AFG3L2: variants seen among roughly 807,000 people sequenced by gnomAD.
AFG3L2 encodes AFG3 like matrix AAA peptidase subunit 2, also known as mitochondrial inner membrane m-AAA protease component AFG3L2.
In AFG3L2, 54 loss-of-function variants were observed where a neutral mutation model predicts 94.5. That is an observed-to-expected ratio of 0.57 (90% confidence interval 0.46 to 0.72). The LOEUF (loss-of-function observed/expected upper bound fraction) is 0.72, where lower values mean the gene tolerates loss of function less well. Among genes scored for constraint, AFG3L2 ranks in the 30% least tolerant of loss-of-function variants. AFG3L2 has a pLI of 0.00. For synonymous variants in AFG3L2, 377 were observed against 365.5 expected (o/e 1.03, Z -0.36); for missense variants, 754 against 994.9 (o/e 0.76, Z 3.26).
Position 12,337,455 on chromosome 18 carries a change from T to C in AFG3L2, c.2061A>G (p.Lys687=). Residue 687 remains lysine (K), a synonymous_variant, in exon 16 of 17, where the codon AAA becomes AAG. Coordinates refer to ENST00000269143, the MANE Select transcript of AFG3L2 (RefSeq NM_006796.3). Reference sequence around the variant, plus strand: ...ATCTTGCAGTGGCTTCACTGTAAGGTTTCTCCAATACCATGTCCCCCTGAC... The same window carrying C: ...ATCTTGCAGTGGCTTCACTGTAAGGCTTCTCCAATACCATGTCCCCCTGAC... ...LPRQGDMVLE[K]PYSEATARLI... The C allele has an allele frequency of 1.9e-6, 3 of 1,614,252 alleles. No homozygotes were observed. Among genetic ancestry groups the C allele is most frequent in the Non-Finnish European group, 2.5e-6 (3 of 1,180,048 alleles).
intron 2 of AFG3L2, 148 bp from the exon 3 acceptor site, chr18:12,371,074 A>G: frequency 1.9e-6 from 1 of 538,450 alleles, no homozygotes; most frequent in Non-Finnish European, 3.4e-6. Context: ...GCACTTTGGG[A>G]GGCTGAGGTG....
At position 12,360,042 on chromosome 18, in the gene AFG3L2, A is replaced by G; in HGVS notation, c.637T>C (p.Trp213Arg). Residue 213 changes from tryptophan (W) to arginine (R), a missense_variant, in exon 7 of 17, where the codon TGG becomes CGG. Physicochemically the swap from Trp to Arg is moderately radical, Grantham distance 101 (BLOSUM62 -3). This residue lies in a region of AFG3L2 where 130 missense variants were observed against 175.1 expected (regional missense o/e 0.74). Coordinates refer to ENST00000269143, the MANE Select transcript of AFG3L2 (RefSeq NM_006796.3). ...GTGTCCACACTGCCAATATTAAACC[A>G]AACGTATTGCTATAAAAACAAAAAA... ...GKTPVDGQYV[W>R]FNIGSVDTFE... is the part of the protein sequence containing the mutation. The G allele has an allele frequency of 1.2e-6, 2 of 1,614,132 alleles. No individual in the cohort carries two copies. Among genetic ancestry groups the G allele is most frequent in the Non-Finnish European group, 1.7e-6 (2 of 1,179,956 alleles).
intron 16 of AFG3L2, 150 bp from the exon 17 acceptor site, chr18:12,329,933 G>A: frequency 4.3e-6 from 3 of 700,396 alleles, no homozygotes; most frequent in Non-Finnish European, 4.8e-6. Flanking sequence ...TAGTTTTAGA[G>A]TAAGATGTGC....
intron 7 of AFG3L2, among the ~76,000 whole-genome samples, chr18:12,359,161 C>T (rs1170133058): frequency 1.3e-5 from 2 of 152,196 alleles, no homozygotes; most frequent in Non-Finnish European, 2.9e-5. Context: ...AGCATCTGCC[C>T]AGACTTTAAG....
Position 12,367,331 on chromosome 18 carries a change from C to T in AFG3L2, c.344G>A (p.Gly115Asp), listed in dbSNP as rs865891494. 1.6e-5 allele frequency: 26 copies of T among 1,614,190 alleles called. No individual in the cohort carries two copies. The Middle Eastern group carries it at 3.3e-3, about 205-fold the overall frequency. The change falls in exon 4 of 17, where the codon GGT becomes GAT. Residue 115 changes from glycine to aspartate, a missense_variant. Physicochemically the swap from Gly to Asp is moderately conservative, Grantham distance 94 (BLOSUM62 -1). Transcript: ENST00000269143. ...TRSSGGGGGG[G>D]GKRGGKKDDS... ...ATCTTTCTTGCCACCTCGTTTTCCA[C>T]CGCCACCACCTCCTCCTCCAGAAGA...
At chr18:12,343,476 G>A in intron 14 of AFG3L2, 1 of 154,424 alleles carries the variant, frequency 6.5e-6, no homozygotes, top group Non-Finnish European at 1.4e-5. Flanking sequence ...GGAGGCAGCT[G>A]CTTTCTGTCA....
At chr18:12,342,622 G>A (rs145715696) in intron 14 of AFG3L2, 4 of 152,232 alleles carry the variant, frequency 2.6e-5, no homozygotes, top group African/African-American at 9.6e-5. Context: ...GCATGGTCAA[G>A]GCCACAGAGA....
intron 16 of AFG3L2, among the ~76,000 whole-genome samples, chr18:12,332,926 C>CTATATAATATATAATATATTAT: frequency 7.6e-6 from 1 of 130,990 alleles, no homozygotes; most frequent in African/African-American, 2.9e-5. Flanking sequence ...TTATATATAA[C>CTATATAATATATAATATATTAT]ATATACTATA....
chr18:12,352,389 C>G (rs1462499960), intron 10 of AFG3L2, among the ~76,000 whole-genome samples: 2 of 152,190 alleles, frequency 1.3e-5, no homozygotes, highest in Admixed American at 6.5e-5. Context: ...CACAAACAAC[C>G]AAGCATCCAC....
In AFG3L2 at chr18:12,337,523, C is replaced by A; in HGVS notation, c.1993G>T (p.Gly665Cys). The change falls in exon 16 of 17, where the codon GGC becomes TGC. Residue 665 changes from glycine to cysteine, a missense_variant. Physicochemically the swap from Gly to Cys is radical, Grantham distance 159. Coordinates refer to ENST00000269143, the MANE Select transcript of AFG3L2 (RefSeq NM_006796.3). ...ATTTGCCCAACCTTTTCATTCATGC[C>A]AAACTGAACAATCTGAAAAATACAT... is the stretch of plus-strand genomic sequence containing the variant. ...QSAYAQIVQF[G>C]MNEKVGQISF... 6.2e-7 allele frequency: 1 copy of A among 1,614,116 alleles called. No individual in the cohort carries two copies.
chr18:12,357,155 G>T (rs1908521995), intron 8 of AFG3L2, among the ~76,000 whole-genome samples: 1 of 152,062 alleles, frequency 6.6e-6, no homozygotes, highest in African/African-American at 2.4e-5. Flanking sequence ...ATCTGCTAAG[G>T]TTTACTTAAA....
intron 9 of AFG3L2, among the ~76,000 whole-genome samples, chr18:12,355,245 C>A: frequency 6.7e-6 from 1 of 149,852 alleles, no homozygotes. Flanking sequence ...ATTCAACAAC[C>A]AAAAAAACCC....
At chr18:12,344,301 T>A in intron 13 of AFG3L2, 54 bp from the exon 14 acceptor site, 1 of 1,407,524 alleles carries the variant, frequency 7.1e-7, no homozygotes, top group Non-Finnish European at 1.0e-6. Flanking sequence ...ACACTGACAT[T>A]AAAAGACAGT....
rs1907463341 is a variant in AFG3L2, at chr18:12,329,910, AC to A, written c.2176-128del. The A allele has an allele frequency of 3.6e-6, 3 of 822,814 alleles. No homozygotes were observed. In the East Asian group the frequency reaches 8.0e-5, roughly 22 times the overall value. 51.0% of individuals were successfully genotyped at this position (822,814 alleles called of 1,614,324 possible). On this transcript the variant is annotated intron_variant, in intron 16 of 16. Coordinates refer to ENST00000269143, the MANE Select transcript of AFG3L2 (RefSeq NM_006796.3). ...AAGACCAATGAAAAAGATGTCTCAT[AC>A]ATAAGGTTGCATAGTTTTAGAGTAA...
At chr18:12,336,294 C>T (rs1182351706) in intron 16 of AFG3L2, among the ~76,000 whole-genome samples, 1 of 152,244 alleles carries the variant, frequency 6.6e-6, no homozygotes, top group Non-Finnish European at 1.5e-5. Context: ...AAAACTTAGG[C>T]TTGGCCTTTT....
chr18:12,334,252 G>C (rs780216402), intron 16 of AFG3L2, among the ~76,000 whole-genome samples: 3 of 152,234 alleles, frequency 2.0e-5, no homozygotes, highest in Admixed American at 6.5e-5. Context: ...AAACTGTCCA[G>C]TGTTTCAAGA....
intron 7 of AFG3L2, 66 bp downstream of exon 7, chr18:12,359,861 G>A (rs960653459): frequency 1.3e-6 from 2 of 1,598,476 alleles, no homozygotes; most frequent in Admixed American, 3.3e-5. Context: ...CTGCACCCAG[G>A]GACAGAACAC....
intron 5 of AFG3L2, among the ~76,000 whole-genome samples, chr18:12,364,683 AT>A (rs1337465078): frequency 6.6e-6 from 1 of 151,700 alleles, no homozygotes; most frequent in Admixed American, 6.6e-5. Context: ...TCCTTTTTTT[AT>A]TTGTTTTTAG....
chr18:12,362,776 G>GACATGGGCCGCTGGGC (rs1456190056), intron 6 of AFG3L2, among the ~76,000 whole-genome samples: 1 of 152,150 alleles, frequency 6.6e-6, no homozygotes, highest in African/African-American at 2.4e-5. Flanking sequence ...TAGACAATGT[G>GACATGGGCCGCTGGGC]TGAGAGGACG....
Sources: gnomAD v4.1 joint callset for allele counts (sites outside exome capture counted in the v4.1 genomes callset) on GRCh38, gnomAD v4.1.1 for gene constraint, gnomAD v4.1.1 regional missense constraint, MANE v1.5 for transcripts, NCBI Gene and HGNC (gene_info 2026-07-23, HGNC 2026-07-21) for gene names.